Variants in SKAP2 observed in about 807,000 individuals in gnomAD.
SKAP2 encodes src kinase-associated phosphoprotein 2.
Under a neutral mutation model 54.9 loss-of-function variants are expected in SKAP2, and 28 were observed. The ratio of observed to expected loss-of-function variants is 0.51; its 90% CI spans 0.38 to 0.70. The LOEUF (loss-of-function observed/expected upper bound fraction) is 0.70, where lower values mean the gene tolerates loss of function less well. Ranked by LOEUF, SKAP2 falls within the 30% of genes least tolerant of loss-of-function variation. SKAP2 has a pLI of 0.00. For synonymous variants in SKAP2, 137 were observed against 134.3 expected (o/e 1.02, Z -0.14); for missense variants, 356 against 424.1 (o/e 0.84, Z 1.41).
At chr7:26,845,195 C>T (rs1784897793) in intron 3 of SKAP2, among the ~76,000 whole-genome samples, 1 of 152,246 alleles carries the variant, frequency 6.6e-6, no homozygotes, top group East Asian at 1.9e-4. Flanking sequence ...TTTTGAACCA[C>T]AGTTCCTGGC....
chr7:26,797,776 A>C (rs1783813980), intron 4 of SKAP2, among the ~76,000 whole-genome samples: 1 of 152,128 alleles, frequency 6.6e-6, no homozygotes, highest in African/African-American at 2.4e-5. Context: ...AAGAAATTCA[A>C]GATAACACAG....
chr7:26,841,166 T>C (rs1784809179), intron 4 of SKAP2, among the ~76,000 whole-genome samples: 2 of 152,108 alleles, frequency 1.3e-5, no homozygotes, highest in African/African-American at 4.8e-5. Context: ...TCTGTTTCTC[T>C]GACAAAGCTG....
At chr7:26,843,768 G>C (rs1030879177) in intron 4 of SKAP2, among the ~76,000 whole-genome samples, 2 of 151,686 alleles carry the variant, frequency 1.3e-5, no homozygotes, top group African/African-American at 4.8e-5. Flanking sequence ...CTATCAAACT[G>C]TTACTAATAA....
At chr7:26,805,318 TA>T (rs1784003334) in intron 4 of SKAP2, among the ~76,000 whole-genome samples, 1 of 152,246 alleles carries the variant, frequency 6.6e-6, no homozygotes, top group South Asian at 2.1e-4. Flanking sequence ...TACCAGTGAT[TA>T]CTTTCTTCAT....
chr7:26,732,387 T>C (rs1787840336), intron 6 of SKAP2, among the ~76,000 whole-genome samples: 1 of 152,212 alleles, frequency 6.6e-6, no homozygotes, highest in African/African-American at 2.4e-5. Context: ...TAGTTCTTGC[T>C]TGCTTGCTGA....
rs564024498 is a variant in SKAP2 at position 26,831,859 on chromosome 7, A to G, written c.307+12171T>C. Among the ~76,000 whole-genome samples, 12 of 152,168 alleles carry G rather than the reference A, an allele frequency of 7.9e-5. No homozygotes were observed. In the South Asian group the frequency reaches 1.2e-3, roughly 16 times the overall value. On this transcript the variant is annotated intron_variant, in intron 4 of 12. Coordinates refer to ENST00000345317, the MANE Select transcript of SKAP2 (RefSeq NM_003930.5). ...AAATAAATACCTGAAGCCAGAGCCAAAACTTTTCACATGCCACCCTTGTCA... is the reference window on the plus strand; with the variant it reads ...AAATAAATACCTGAAGCCAGAGCCAGAACTTTTCACATGCCACCCTTGTCA...
At chr7:26,796,776 C>G (rs538393838) in intron 4 of SKAP2, among the ~76,000 whole-genome samples, 51 of 152,212 alleles carry the variant, frequency 3.4e-4, no homozygotes, top group African/African-American at 1.2e-3. Context: ...ATGTGTTAAT[C>G]AACTGTTTAT....
Position 26,834,866 on chromosome 7 carries a change from A to G in SKAP2, c.307+9164T>C, listed in dbSNP as rs1173455953. On this transcript the variant is annotated intron_variant, in intron 4 of 12. Coordinates refer to ENST00000345317, the MANE Select transcript of SKAP2 (RefSeq NM_003930.5). ...TTTATGAGGCCAGCATCATCCTGAT[A>G]CCAAAACCTGGCAGGGACACAACAA... Among the ~76,000 whole-genome samples the G allele has an allele frequency of 3.3e-5, 5 of 152,224 alleles. No individual in the cohort carries two copies. The East Asian group carries it at 9.6e-4, about 29-fold the overall frequency.
At chr7:26,806,732 T>G (rs1269679446) in intron 4 of SKAP2, among the ~76,000 whole-genome samples, 3 of 152,206 alleles carry the variant, frequency 2.0e-5, no homozygotes, top group Non-Finnish European at 4.4e-5. Flanking sequence ...GTGGTCTGGA[T>G]AGAAGATTAA....
chr7:26,854,968 GTTTC>G (rs1171926277), intron 1 of SKAP2, 78 bp from the exon 2 acceptor site: 1 of 990,970 alleles, frequency 1.0e-6, no homozygotes, highest in Non-Finnish European at 1.5e-6. Flanking sequence ...GACAATGATT[GTTTC>G]TACATATAAG....
At chr7:26,789,334 T>C (rs531505339) in intron 4 of SKAP2, among the ~76,000 whole-genome samples, 1 of 152,310 alleles carries the variant, frequency 6.6e-6, no homozygotes, top group South Asian at 2.1e-4. Context: ...GATTTATAAG[T>C]GCCACTTAAA....
chr7:26,804,547 T>C (rs1783984052), intron 4 of SKAP2, among the ~76,000 whole-genome samples: 1 of 152,116 alleles, frequency 6.6e-6, no homozygotes, highest in Non-Finnish European at 1.5e-5. Context: ...GAGACCATCC[T>C]GGCTAATGTG....
At chr7:26,755,141 C>T (rs1344377713) in intron 4 of SKAP2, among the ~76,000 whole-genome samples, 1 of 152,084 alleles carries the variant, frequency 6.6e-6, no homozygotes, top group Non-Finnish European at 1.5e-5. Flanking sequence ...ATATTGATAA[C>T]AAGTTATCAA....
intron 9 of SKAP2, among the ~76,000 whole-genome samples, chr7:26,710,964 T>C (rs1787287726): frequency 6.6e-6 from 1 of 152,170 alleles, no homozygotes; most frequent in Non-Finnish European, 1.5e-5. Flanking sequence ...CATGATACTA[T>C]ACTGTGTTTA....
chr7:26,695,353 T>C (rs959960001), intron 9 of SKAP2, among the ~76,000 whole-genome samples: 4 of 152,236 alleles, frequency 2.6e-5, no homozygotes, highest in African/African-American at 9.6e-5. Flanking sequence ...TCACATTATA[T>C]GCATTTATAT....
intron 4 of SKAP2, among the ~76,000 whole-genome samples, chr7:26,838,674 C>T (rs1784760858): frequency 6.6e-6 from 1 of 152,124 alleles, no homozygotes; most frequent in African/African-American, 2.4e-5. Context: ...AGAATTTAGG[C>T]ATAAAGTTTA....
At chr7:26,770,276 A>T (rs1783158454) in intron 4 of SKAP2, among the ~76,000 whole-genome samples, 1 of 152,104 alleles carries the variant, frequency 6.6e-6, no homozygotes, top group Admixed American at 6.5e-5. Context: ...TGCCTATTCA[A>T]GCCTCAGTAA....
Position 26,726,878 on chromosome 7 carries a change from C to T in SKAP2, c.594+4G>A. On this transcript the variant is annotated splice_donor_region_variant and intron_variant, in intron 7 of 12. Coordinates refer to ENST00000345317, the MANE Select transcript of SKAP2 (RefSeq NM_003930.5). ...TAATTTCAAGGCAACATAAAAACTACAACCTGATATATACGTTTATCAGGA... is the reference window on the plus strand; with the variant it reads ...TAATTTCAAGGCAACATAAAAACTATAACCTGATATATACGTTTATCAGGA... 1.9e-6 allele frequency: 3 copies of T among 1,594,544 alleles called. No homozygotes were observed. Among genetic ancestry groups the T allele is most frequent in the Non-Finnish European group, 2.6e-6 (3 of 1,173,088 alleles).
chr7:26,681,746 C>A (rs1296747584), intron 11 of SKAP2, among the ~76,000 whole-genome samples: 1 of 152,132 alleles, frequency 6.6e-6, no homozygotes, highest in Non-Finnish European at 1.5e-5. Context: ...GCATTAATTT[C>A]TTTACAAAGT....
Sources: allele counts gnomAD v4.1 joint callset (sites outside exome capture counted in the v4.1 genomes callset), GRCh38; gene constraint gnomAD v4.1.1; transcripts MANE v1.5; gene names NCBI Gene and HGNC (gene_info 2026-07-23, HGNC 2026-07-21).